The following PTPRM variants were observed in gnomAD, a reference collection of about 807,000 sequenced individuals.
PTPRM encodes the protein protein tyrosine phosphatase receptor type M.
Under a neutral mutation model 186.7 loss-of-function variants are expected in PTPRM, and 47 were observed. The observed-to-expected ratio is 0.25, with a 90% CI of 0.20 to 0.32. The LOEUF (loss-of-function observed/expected upper bound fraction) is 0.32, where lower values mean the gene tolerates loss of function less well. Among genes scored for constraint, PTPRM ranks in the 10% least tolerant of loss-of-function variants. The pLI, the probability that PTPRM is intolerant of heterozygous loss-of-function variation, is 1.00. For synonymous variants in PTPRM, 668 were observed against 674.9 expected (o/e 0.99, Z 0.16); for missense variants, 1,494 against 1,865.0 (o/e 0.80, Z 3.66).
chr18:8,194,596 C>A (rs1286943331), intron 14 of PTPRM, among the ~76,000 whole-genome samples: 1 of 152,144 alleles, frequency 6.6e-6, no homozygotes. Flanking sequence ...TTCATTAGGC[C>A]TTACTGGTTT....
chr18:7,876,950 T>C (rs930288271), intron 2 of PTPRM, among the ~76,000 whole-genome samples: 2 of 152,150 alleles, frequency 1.3e-5, no homozygotes, highest in Admixed American at 1.3e-4. Flanking sequence ...AACCCCTCTA[T>C]GCCTGAGTTC....
At chr18:7,885,615 C>A (rs1035006849) in intron 2 of PTPRM, among the ~76,000 whole-genome samples, 7 of 152,134 alleles carry the variant, frequency 4.6e-5, no homozygotes, top group Non-Finnish European at 8.8e-5. Context: ...ATCTGCACTA[C>A]AGAAGCATGC....
rs144743338 is a variant in PTPRM at position 8,037,834 on chromosome 18, G to C, written c.1133-31852G>C. ...AGTAAGAAATCCACACACCCAAAAAGCATATGGAAGGGTGCAGAGGTGCGA... is the reference window on the plus strand; with the variant it reads ...AGTAAGAAATCCACACACCCAAAAACCATATGGAAGGGTGCAGAGGTGCGA... On this transcript the variant is annotated intron_variant, in intron 7 of 32. Coordinates refer to ENST00000580170, the MANE Select transcript of PTPRM (RefSeq NM_001105244.2). 7.5e-3 allele frequency among the ~76,000 whole-genome samples: 1,142 copies of C among 152,192 alleles called. 6 individuals carry two copies. Among genetic ancestry groups the C allele is most frequent in the South Asian group, 0.029 (139 of 4,820 alleles).
At chr18:7,738,496 C>A (rs1445412182) in intron 1 of PTPRM, among the ~76,000 whole-genome samples, 1 of 151,874 alleles carries the variant, frequency 6.6e-6, no homozygotes, top group East Asian at 1.9e-4. Flanking sequence ...AGTGCAGTGG[C>A]ACGATCTCAG....
intron 13 of PTPRM, chr18:8,121,982 C>T (rs1166786226): frequency 6.6e-6 from 1 of 152,056 alleles, no homozygotes; most frequent in African/African-American, 2.4e-5. Flanking sequence ...TTGATCTATC[C>T]AAGATCTCAG....
chr18:7,793,059 T>TA (rs2043424726), intron 2 of PTPRM, among the ~76,000 whole-genome samples: 1 of 152,218 alleles, frequency 6.6e-6, no homozygotes, highest in African/African-American at 2.4e-5. Flanking sequence ...GTCCCACAAT[T>TA]AAAAGCTGGA....
intron 2 of PTPRM, among the ~76,000 whole-genome samples, chr18:7,785,737 G>A (rs1048269513): frequency 1.3e-5 from 2 of 152,134 alleles, no homozygotes; most frequent in African/African-American, 2.4e-5. Context: ...TGAGCATATC[G>A]TGATGATCAT....
At chr18:8,256,155 C>T (rs1178185896) in intron 19 of PTPRM, among the ~76,000 whole-genome samples, 1 of 152,114 alleles carries the variant, frequency 6.6e-6, no homozygotes, top group African/African-American at 2.4e-5. Context: ...TCATTAACAC[C>T]CACCCAGAGT....
intron 11 of PTPRM, among the ~76,000 whole-genome samples, chr18:8,089,140 CTGCT>C (rs1424555576): frequency 6.6e-6 from 1 of 152,162 alleles, no homozygotes; most frequent in Non-Finnish European, 1.5e-5. Flanking sequence ...TAAAAGGTGA[CTGCT>C]TGATGCAATT....
At chr18:8,044,417 G>A (rs144995071) in intron 7 of PTPRM, among the ~76,000 whole-genome samples, 2 of 152,250 alleles carry the variant, frequency 1.3e-5, no homozygotes, top group East Asian at 1.9e-4. Flanking sequence ...AGTGAATGGA[G>A]GATGTGTAAA....
rs1036626085 is a variant in PTPRM, at chr18:8,112,753, G to A, written c.1857-733G>A. On this transcript the variant is annotated intron_variant, in intron 11 of 32. Transcript: ENST00000580170. ...CAAAGACATTGGAAGAGGATGAGCGGGTACCAGAGACCTACTCCTTAGTGG... is the reference window on the plus strand; with the variant it reads ...CAAAGACATTGGAAGAGGATGAGCGAGTACCAGAGACCTACTCCTTAGTGG... Among the ~76,000 whole-genome samples, 4 of 152,248 alleles carry A rather than the reference G, an allele frequency of 2.6e-5. No individual in the cohort carries two copies. The South Asian group carries it at 8.3e-4, about 32-fold the overall frequency.
At chr18:7,677,802 C>T (rs1010097213) in intron 1 of PTPRM, among the ~76,000 whole-genome samples, 4 of 152,118 alleles carry the variant, frequency 2.6e-5, no homozygotes, top group Admixed American at 6.5e-5. Flanking sequence ...GAAGCCCACA[C>T]GCCATGTAAA....
rs568058143 is a variant in PTPRM, at chr18:8,313,101, G to A, written c.2843-1680G>A. ...CCAGTGACTGAGGATAAAAGGGTCC[G>A]TCATCTGCAGCTCCCCTGGCTTTTA... On this transcript the variant is annotated intron_variant, in intron 20 of 32. Transcript: ENST00000580170. Among the ~76,000 whole-genome samples, 6 of 152,282 alleles carry A rather than the reference G, an allele frequency of 3.9e-5. No homozygotes were observed. The East Asian group carries it at 5.8e-4, about 15-fold the overall frequency.
At chr18:8,030,931 A>G (rs2085924845) in intron 7 of PTPRM, among the ~76,000 whole-genome samples, 2 of 152,240 alleles carry the variant, frequency 1.3e-5, no homozygotes, top group African/African-American at 4.8e-5. Flanking sequence ...ATGCCTGTGT[A>G]CTACCCAAAA....
intron 1 of PTPRM, among the ~76,000 whole-genome samples, chr18:7,706,623 A>C (rs1359706741): frequency 1.3e-5 from 2 of 149,990 alleles, no homozygotes; most frequent in African/African-American, 4.9e-5. Context: ...AAAAAAAAAA[A>C]AAAAAAACAA....
chr18:8,022,350 CAT>C (rs1382133203), intron 7 of PTPRM, among the ~76,000 whole-genome samples: 1 of 152,360 alleles, frequency 6.6e-6, no homozygotes, highest in East Asian at 1.9e-4. Context: ...CTACACCCCA[CAT>C]GAGTAAGAGC....
At chr18:7,635,446 A>G (rs994234211) in intron 1 of PTPRM, among the ~76,000 whole-genome samples, 1 of 152,102 alleles carries the variant, frequency 6.6e-6, no homozygotes, top group Non-Finnish European at 1.5e-5. Context: ...GCACCCAATA[A>G]ATATTAGCTT....
intron 32 of PTPRM, among the ~76,000 whole-genome samples, chr18:8,402,296 G>A (rs2095876384): frequency 6.6e-6 from 1 of 152,130 alleles, no homozygotes; most frequent in East Asian, 1.9e-4. Context: ...AATCTATGGG[G>A]ACTGGGTGCT....
intron 14 of PTPRM, among the ~76,000 whole-genome samples, chr18:8,212,696 A>G (rs1252756895): frequency 6.6e-6 from 1 of 152,096 alleles, no homozygotes; most frequent in East Asian, 1.9e-4. Context: ...AGTCCCAGCT[A>G]CTCAGGAGCC....
Sources: allele counts gnomAD v4.1 joint callset (sites outside exome capture counted in the v4.1 genomes callset), GRCh38; gene constraint gnomAD v4.1.1; transcripts MANE v1.5; gene names NCBI Gene and HGNC (gene_info 2026-07-23, HGNC 2026-07-21).